RANBP2: variants seen among roughly 807,000 people sequenced by gnomAD.
RANBP2 encodes the protein E3 SUMO-protein ligase RanBP2.
A neutral mutation model predicts 303.6 loss-of-function variants in RANBP2; 57 were observed. The observed-to-expected ratio is 0.19, with a 90% CI of 0.15 to 0.23. The LOEUF is 0.23. RANBP2 is among the 10% of genes least tolerant of loss of function. The pLI is 1.00. For synonymous variants in RANBP2, 1,167 were observed against 1,301.5 expected (o/e 0.90, Z 2.23); for missense variants, 3,138 against 3,780.8 (o/e 0.83, Z 4.46).
the RANBP2 span, among the ~76,000 whole-genome samples, chr2:109,742,921 A>T: frequency 1.3e-5 from 2 of 148,670 alleles, 1 homozygote; most frequent in Admixed American, 1.3e-4. Context: ...TTTGCAAAGG[A>T]GCAAAGACAA....
At chr2:109,651,765 G>A in the RANBP2 span, among the ~76,000 whole-genome samples, 1 of 152,188 alleles carries the variant, frequency 6.6e-6, no homozygotes, top group Admixed American at 6.5e-5. Flanking sequence ...GGGAGAGCAT[G>A]ATGATGTTTG....
the RANBP2 span, among the ~76,000 whole-genome samples, chr2:109,236,948 T>G: frequency 6.6e-6 from 1 of 152,080 alleles, no homozygotes; most frequent in Non-Finnish European, 1.5e-5. Flanking sequence ...CCAGAGAAAT[T>G]TCAACTGGCC....
At chr2:109,301,308 TGGG>T in the RANBP2 span, among the ~76,000 whole-genome samples, 5 of 146,102 alleles carry the variant, frequency 3.4e-5, 1 homozygote, top group Admixed American at 3.4e-4. Context: ...GTGTATGTGG[TGGG>T]GGGCGGGCTG....
At chr2:109,022,567 G>A in the RANBP2 span, among the ~76,000 whole-genome samples, 1 of 152,170 alleles carries the variant, frequency 6.6e-6, no homozygotes, top group Non-Finnish European at 1.5e-5. Context: ...ACATGGACAT[G>A]GAGAGTGGAA....
the RANBP2 span, among the ~76,000 whole-genome samples, chr2:109,096,864 G>C: frequency 6.8e-6 from 1 of 146,744 alleles, no homozygotes; most frequent in Non-Finnish European, 1.5e-5. Context: ...TGATAAACTT[G>C]CTCATATGAT....
the RANBP2 span, among the ~76,000 whole-genome samples, chr2:109,295,482 G>C: frequency 6.6e-6 from 1 of 152,232 alleles, no homozygotes; most frequent in Non-Finnish European, 1.5e-5. Context: ...GGTGAGGCTG[G>C]GAAAGGAAGC....
chr2:109,480,093 C>T, the RANBP2 span, among the ~76,000 whole-genome samples: 1 of 152,240 alleles, frequency 6.6e-6, no homozygotes, highest in African/African-American at 2.4e-5. Context: ...TCTCCTTTAG[C>T]TGAGAGGTGA....
the RANBP2 span, among the ~76,000 whole-genome samples, chr2:108,808,519 GT>G: frequency 6.6e-6 from 1 of 152,030 alleles, no homozygotes; most frequent in East Asian, 1.9e-4. Context: ...CCTCACCAAC[GT>G]TTATTACTTT....
chr2:109,635,449 C>T, the RANBP2 span, among the ~76,000 whole-genome samples: 3 of 152,218 alleles, frequency 2.0e-5, no homozygotes, highest in East Asian at 5.8e-4. Context: ...TCCCAAAGTG[C>T]TGGGATTACA....
the RANBP2 span, among the ~76,000 whole-genome samples, chr2:109,421,419 C>T: frequency 1.3e-5 from 2 of 152,228 alleles, no homozygotes; most frequent in African/African-American, 2.4e-5. Flanking sequence ...GAGCTCAAGG[C>T]TTAGCCACCC....
the RANBP2 span, among the ~76,000 whole-genome samples, chr2:109,600,443 T>A: frequency 6.6e-6 from 1 of 151,988 alleles, no homozygotes; most frequent in Non-Finnish European, 1.5e-5. Flanking sequence ...CATGATAAAT[T>A]CCTAGAATAT....
At chr2:109,657,714 G>GTTTTTTTTT in the RANBP2 span, among the ~76,000 whole-genome samples, 2 of 82,230 alleles carry the variant, frequency 2.4e-5, no homozygotes, top group African/African-American at 4.7e-5. Flanking sequence ...AATTAGCTGA[G>GTTTTTTTTT]TTTTTTTTTT....
At chr2:109,211,102 G>C in the RANBP2 span, among the ~76,000 whole-genome samples, 1 of 152,184 alleles carries the variant, frequency 6.6e-6, no homozygotes, top group African/African-American at 2.4e-5. Flanking sequence ...GCCCATTTAT[G>C]TGTGTCTATG....
the RANBP2 span, among the ~76,000 whole-genome samples, chr2:109,709,391 A>G: frequency 6.6e-6 from 1 of 151,208 alleles, no homozygotes; most frequent in Non-Finnish European, 1.5e-5. Context: ...AAACAAAACA[A>G]AACTTTAGCT....
chr2:109,268,742 TAAAA>T, the RANBP2 span, among the ~76,000 whole-genome samples: 1 of 150,078 alleles, frequency 6.7e-6, no homozygotes, highest in Non-Finnish European at 1.5e-5. Context: ...TACTTTATTA[TAAAA>T]AAAAAAAGGC....
chr2:108,962,872 ATGGT>A, the RANBP2 span, among the ~76,000 whole-genome samples: 2 of 152,116 alleles, frequency 1.3e-5, 1 homozygote, highest in Non-Finnish European at 2.9e-5. Flanking sequence ...TCACTCTTCA[ATGGT>A]TTTGTCAAAG....
the RANBP2 span, among the ~76,000 whole-genome samples, chr2:109,009,702 C>CTTTTTTTTTTTTT: frequency 1.6e-5 from 2 of 123,126 alleles, 1 homozygote; most frequent in African/African-American, 6.6e-5. Context: ...ACATTTTTAC[C>CTTTTTTTTTTTTT]TTTTTTTTGT....
the RANBP2 span, among the ~76,000 whole-genome samples, chr2:109,040,130 G>A: frequency 6.8e-3 from 1,036 of 152,110 alleles, 6 homozygotes; most frequent in East Asian, 0.035. Flanking sequence ...TAATTTTTCT[G>A]TATGGCATGA....
At chr2:109,305,967 G>T in the RANBP2 span, among the ~76,000 whole-genome samples, 2 of 152,174 alleles carry the variant, frequency 1.3e-5, no homozygotes, top group Non-Finnish European at 2.9e-5. Context: ...CATTCAGCAC[G>T]GTATTTAGTG....
Sources: gnomAD v4.1 joint callset for allele counts (sites outside exome capture counted in the v4.1 genomes callset) on GRCh38, gnomAD v4.1.1 for gene constraint, MANE v1.5 for transcripts, NCBI Gene and HGNC (gene_info 2026-07-23, HGNC 2026-07-21) for gene names.